CADPS: variants seen among roughly 807,000 people sequenced by gnomAD.
The protein encoded by CADPS is calcium-dependent secretion activator 1.
Under a neutral mutation model 167.3 loss-of-function variants are expected in CADPS, and 57 were observed. The ratio of observed to expected loss-of-function variants is 0.34; its 90% CI spans 0.28 to 0.42. CADPS has a LOEUF of 0.42. Ranked by LOEUF, CADPS falls within the 20% of genes least tolerant of loss-of-function variation. CADPS has a pLI of 1.00. For missense variants in CADPS, 1,414 were observed against 1,738.1 expected (o/e 0.81, Z 3.32); for synonymous variants, 676 against 635.3 (o/e 1.06, Z -0.96).
intron 3 of CADPS, among the ~76,000 whole-genome samples, chr3:62,679,972 C>T (rs546500772): frequency 6.6e-6 from 1 of 151,998 alleles, no homozygotes; most frequent in Non-Finnish European, 1.5e-5. Flanking sequence ...TATAAAGATC[C>T]TTCCATAAAC....
chr3:62,809,600 A>G (rs1245680894), intron 1 of CADPS, among the ~76,000 whole-genome samples: 1 of 152,146 alleles, frequency 6.6e-6, no homozygotes, highest in Non-Finnish European at 1.5e-5. Flanking sequence ...TCTCTGTTGC[A>G]TCACCCAGCT....
intron 11 of CADPS, among the ~76,000 whole-genome samples, chr3:62,548,638 C>T (rs894020754): frequency 1.3e-5 from 2 of 152,242 alleles, no homozygotes; most frequent in Non-Finnish European, 2.9e-5. Context: ...TTAGTAGTTA[C>T]AGCTGCAAAA....
At chr3:62,488,035 G>A (rs1026177728) in intron 21 of CADPS, among the ~76,000 whole-genome samples, 1 of 152,256 alleles carries the variant, frequency 6.6e-6, no homozygotes, top group South Asian at 2.1e-4. Context: ...AGAACTACTT[G>A]AGGATAACAA....
intron 9 of CADPS, among the ~76,000 whole-genome samples, chr3:62,562,628 C>T (rs1327331621): frequency 2.0e-5 from 3 of 152,226 alleles, no homozygotes; most frequent in Non-Finnish European, 4.4e-5. Flanking sequence ...AGCCACTGCA[C>T]CTGGCCTTCT....
intron 3 of CADPS, among the ~76,000 whole-genome samples, chr3:62,696,190 A>C (rs2080241985): frequency 6.6e-6 from 1 of 151,970 alleles, no homozygotes; most frequent in Admixed American, 6.6e-5. Flanking sequence ...AGGACTCTGC[A>C]AACCAGGCTT....
intron 1 of CADPS, among the ~76,000 whole-genome samples, chr3:62,864,096 G>T (rs1439490429): frequency 6.6e-6 from 1 of 152,200 alleles, no homozygotes; most frequent in African/African-American, 2.4e-5. Context: ...ACTCAATACA[G>T]CTGACAACTT....
chr3:62,418,865 A>C (rs1459703515), intron 28 of CADPS, among the ~76,000 whole-genome samples: 1 of 152,264 alleles, frequency 6.6e-6, no homozygotes, highest in African/African-American at 2.4e-5. Flanking sequence ...TTGCCTGTGC[A>C]CAACAGAACT....
At chr3:62,486,828 A>ACACTGG (rs2062895732) in intron 21 of CADPS, among the ~76,000 whole-genome samples, 1 of 152,236 alleles carries the variant, frequency 6.6e-6, no homozygotes, top group Non-Finnish European at 1.5e-5. Flanking sequence ...TGCTTGGAGT[A>ACACTGG]GCAAGCAGCT....
intron 3 of CADPS, among the ~76,000 whole-genome samples, chr3:62,729,405 G>C (rs499660): frequency 0.66 from 100,180 of 151,612 alleles, 35,316 homozygotes; most frequent in African/African-American, 0.91. Flanking sequence ...GAGCAGGTTA[G>C]AGGGGAGATG....
At chr3:62,788,648 G>A (rs192344947) in intron 1 of CADPS, among the ~76,000 whole-genome samples, 21 of 152,172 alleles carry the variant, frequency 1.4e-4, no homozygotes, top group African/African-American at 4.3e-4. Context: ...TTGTTGGTAG[G>A]GATTTCCTGC....
intron 3 of CADPS, among the ~76,000 whole-genome samples, chr3:62,680,729 T>TA (rs1465114254): frequency 6.6e-6 from 1 of 151,996 alleles, no homozygotes; most frequent in Non-Finnish European, 1.5e-5. Context: ...TTTCAATTTT[T>TA]AAAAAATCAG....
chr3:62,842,567 C>T (rs187595044), intron 1 of CADPS, among the ~76,000 whole-genome samples: 1 of 152,286 alleles, frequency 6.6e-6, no homozygotes, highest in East Asian at 1.9e-4. Flanking sequence ...GTTTTTATTG[C>T]ATGTCAGTGA....
intron 5 of CADPS, 50 bp from the exon 6 acceptor site, chr3:62,645,893 G>A: frequency 6.2e-7 from 1 of 1,604,412 alleles, no homozygotes; most frequent in Non-Finnish European, 8.5e-7. Context: ...GCCCCTGGCA[G>A]CATCGCCCAG....
At chr3:62,625,591 C>T (rs1463678083) in intron 6 of CADPS, 1 of 150,878 alleles carries the variant, frequency 6.6e-6, no homozygotes. Flanking sequence ...TATACCTTGA[C>T]TCAGCCTATA....
At chr3:62,649,895 T>C (rs1462170773) in intron 5 of CADPS, among the ~76,000 whole-genome samples, 8 of 152,104 alleles carry the variant, frequency 5.3e-5, no homozygotes, top group Admixed American at 5.2e-4. Flanking sequence ...ATCCATGTCA[T>C]GGCATGTATC....
At chr3:62,813,567 G>A (rs994433851) in intron 1 of CADPS, among the ~76,000 whole-genome samples, 8 of 152,036 alleles carry the variant, frequency 5.3e-5, no homozygotes, top group African/African-American at 1.9e-4. Flanking sequence ...AATAATTTAT[G>A]ACTAAGTCCT....
chr3:62,407,168 TTCTTC>T (rs1285549303), intron 28 of CADPS, among the ~76,000 whole-genome samples: 1 of 152,124 alleles, frequency 6.6e-6, no homozygotes, highest in Non-Finnish European at 1.5e-5. Flanking sequence ...ATCATCATCT[TTCTTC>T]TCTTTTTTCT....
chr3:62,858,268 C>T (rs1172235880), intron 1 of CADPS, among the ~76,000 whole-genome samples: 1 of 152,168 alleles, frequency 6.6e-6, no homozygotes, highest in Admixed American at 6.5e-5. Flanking sequence ...CTATATTCAG[C>T]CTTGGCTTCA....
intron 8 of CADPS, among the ~76,000 whole-genome samples, chr3:62,579,868 G>A (rs1262218103): frequency 1.3e-5 from 2 of 152,174 alleles, no homozygotes; most frequent in Non-Finnish European, 2.9e-5. Context: ...AGGGGCAGAA[G>A]CAGGGTACTG....
Sources: allele counts gnomAD v4.1 joint callset (sites outside exome capture counted in the v4.1 genomes callset), GRCh38; gene constraint gnomAD v4.1.1; transcripts MANE v1.5; gene names NCBI Gene and HGNC (gene_info 2026-07-23, HGNC 2026-07-21).